Variants in DOCK11 observed in about 807,000 individuals in gnomAD.
The protein encoded by DOCK11 is dedicator of cytokinesis 11, also known as dedicator of cytokinesis protein 11.
Under a neutral mutation model 169.1 loss-of-function variants are expected in DOCK11, and 70 were observed. That is an observed-to-expected ratio of 0.41 (90% CI 0.34 to 0.51). The LOEUF (loss-of-function observed/expected upper bound fraction) is 0.51, where lower values mean the gene tolerates loss of function less well. DOCK11 is among the 20% of genes least tolerant of loss of function. The pLI, the probability that DOCK11 is intolerant of heterozygous loss-of-function variation, is 0.10. For missense variants in DOCK11, 1,166 were observed against 1,538.8 expected (o/e 0.76, Z 4.05); for synonymous variants, 529 against 541.3 (o/e 0.98, Z 0.32).
At chrX:118,609,234 A>G (rs745599980) in intron 26 of DOCK11, 44 bp from the exon 27 acceptor site, 6 of 1,054,784 alleles carry the variant, frequency 5.7e-6, no homozygotes, top group Non-Finnish European at 6.6e-6. Context: ...GCTAAGCTTC[A>G]GAGATTTGGT....
At chrX:118,564,954 G>A (rs1170871430) in intron 7 of DOCK11, among the ~76,000 whole-genome samples, 3 of 107,483 alleles carry the variant, frequency 2.8e-5, no homozygotes, top group Middle Eastern at 4.7e-3. Flanking sequence ...TTTTTTTTTT[G>A]AGGCAGGATC....
chrX:118,543,526 A>G lies in DOCK11; in HGVS notation c.325A>G (p.Ser109Gly). 8.3e-7 allele frequency: 1 copy of G among 1,205,986 alleles called. No individual in the cohort carries two copies. The highest frequency in any genetic ancestry group is 1.1e-6 in the Non-Finnish European group (1 of 889,975). Residue 109 changes from serine (S) to glycine (G), a missense_variant, in exon 4 of 53, where the codon AGC becomes GGC. Transcript: ENST00000276202. The stretch of plus-strand genomic sequence containing the variant: ...TTTCTTTCAGTGTATTAAAACCTAT[A>G]GCACAGATTGGCACGTGGTAAACTA... ...LFVKECIKTY[S>G]TDWHVVNYKY...
At chrX:118,539,687 C>A (rs1278719759) in intron 1 of DOCK11, among the ~76,000 whole-genome samples, 1 of 110,304 alleles carries the variant, frequency 9.1e-6, no homozygotes, top group Non-Finnish European at 1.9e-5. Flanking sequence ...CACTTTGTAC[C>A]CCATAAATTA....
chrX:118,640,043 T>C (rs1029584133), intron 38 of DOCK11, among the ~76,000 whole-genome samples: 1 of 112,247 alleles, frequency 8.9e-6, no homozygotes, highest in Non-Finnish European at 1.9e-5. Context: ...TTAGTTACTT[T>C]TGGTCATTTA....
In DOCK11 at chrX:118,605,320, T is replaced by C. The variant is rs146264798; in HGVS notation, c.2645T>C (p.Met882Thr). 6.7e-6 allele frequency: 8 copies of C among 1,198,201 alleles called. No homozygotes were observed. The African/African-American group carries it at 8.8e-5, about 13-fold the overall frequency. Residue 882 changes from methionine (M) to threonine (T), a missense_variant, in exon 24 of 53, where the codon ATG (methionine) becomes ACG (threonine). Physicochemically the swap from Met to Thr is moderately conservative, Grantham distance 81. Coordinates refer to ENST00000276202, the MANE Select transcript of DOCK11 (RefSeq NM_144658.4). The stretch of plus-strand genomic sequence containing the variant: ...CAACTCTTCCGAGTTCTCACAAATA[T>C]GACCCATGAAGATGACGTTCCTATC... ...LMQLFRVLTN[M>T]THEDDVPINC...
intron 23 of DOCK11, among the ~76,000 whole-genome samples, chrX:118,603,813 A>G (rs974209533): frequency 7.1e-5 from 8 of 112,172 alleles, no homozygotes; most frequent in African/African-American, 2.6e-4. Flanking sequence ...AAGAGTAGCC[A>G]GGATTTGGCT....
chrX:118,588,154 T>A lies in DOCK11; in HGVS notation c.1813T>A (p.Tyr605Asn). 8.4e-6 allele frequency: 10 copies of A among 1,193,275 alleles called. No individual in the cohort carries two copies. Among genetic ancestry groups the A allele is most frequent in the Non-Finnish European group, 9.0e-6 (8 of 888,367 alleles). The change falls in exon 17 of 53, where the codon TAT (tyrosine) becomes AAT (asparagine). Residue 605 changes from tyrosine (Y) to asparagine (N), a missense_variant. Tyr to Asn is a moderately radical substitution (Grantham distance 143). Coordinates refer to ENST00000276202, the MANE Select transcript of DOCK11 (RefSeq NM_144658.4). Reference sequence around the variant, plus strand: ...TGCTATAGATTGTATTACTTCTTCATATGTGCCCTTGAAGCCTTTTGAAAA... The same window carrying A: ...TGCTATAGATTGTATTACTTCTTCAAATGTGCCCTTGAAGCCTTTTGAAAA... ...VDLSNCITSS[Y>N]VPLKPFEKNC...
chrX:118,578,679 AC>A (rs1465925889), intron 13 of DOCK11, 32 bp downstream of exon 13: 5 of 1,166,607 alleles, frequency 4.3e-6, no homozygotes, highest in Non-Finnish European at 5.8e-6. Flanking sequence ...TCAACATTTC[AC>A]CTTAACGTAG....
chrX:118,537,190 T>C (rs909566673), intron 1 of DOCK11, among the ~76,000 whole-genome samples: 5 of 112,126 alleles, frequency 4.5e-5, no homozygotes, highest in Non-Finnish European at 7.5e-5. Context: ...GTAGTTGCCA[T>C]GTTCCTCCTT....
At chrX:118,513,873 C>A (rs1762365027) in intron 1 of DOCK11, among the ~76,000 whole-genome samples, 1 of 111,653 alleles carries the variant, frequency 9.0e-6, no homozygotes, top group South Asian at 3.7e-4. Flanking sequence ...TATGGGGGAG[C>A]AGCAGCATCA....
chrX:118,610,341 C>G lies in DOCK11; in HGVS notation c.3019C>G (p.Pro1007Ala). Residue 1007 changes from proline (P) to alanine (A), a missense_variant, in exon 28 of 53, where the codon CCC becomes GCC. Coordinates refer to ENST00000276202, the MANE Select transcript of DOCK11 (RefSeq NM_144658.4). ...VLHSLLLAII[P>A]HVTIRYAEIP... is the part of the protein sequence containing the mutation. ...ACATTCACTGCTTCTTGCAATAATT[C>G]CCCATGTGACTATTCGGTATGCGGA... 8.3e-7 allele frequency: 1 copy of G among 1,210,382 alleles called. No homozygotes were observed. Among genetic ancestry groups the G allele is most frequent in the Non-Finnish European group, 1.1e-6 (1 of 894,606 alleles).
chrX:118,664,380 G>T (rs1318119186), intron 45 of DOCK11, among the ~76,000 whole-genome samples: 1 of 111,755 alleles, frequency 8.9e-6, no homozygotes, highest in Non-Finnish European at 1.9e-5. Context: ...CTGAGGCTGG[G>T]CGCAGTGTCT....
chrX:118,651,874 A>T (rs1281072572), intron 41 of DOCK11, 90 bp from the exon 42 acceptor site: 3 of 571,371 alleles, frequency 5.3e-6, no homozygotes, highest in Non-Finnish European at 8.5e-6. Context: ...GAAGCATTTC[A>T]TGTGAGTGCT....
intron 23 of DOCK11, among the ~76,000 whole-genome samples, chrX:118,603,469 C>G (rs2014403400): frequency 1.8e-5 from 2 of 112,424 alleles, no homozygotes; most frequent in African/African-American, 6.5e-5. Context: ...GCCCATCTCT[C>G]TTTTCTACCT....
At chrX:118,683,673 T>C (rs938929015) in intron 52 of DOCK11, among the ~76,000 whole-genome samples, 1 of 112,435 alleles carries the variant, frequency 8.9e-6, no homozygotes, top group Non-Finnish European at 1.9e-5. Context: ...CTGCATGACC[T>C]AGTGTTGAAC....
intron 20 of DOCK11, among the ~76,000 whole-genome samples, chrX:118,596,406 A>G (rs754857857): frequency 8.9e-6 from 1 of 112,599 alleles, no homozygotes; most frequent in Non-Finnish European, 1.9e-5. Flanking sequence ...AATTAAACAC[A>G]TAAATGAAAA....
intron 1 of DOCK11, among the ~76,000 whole-genome samples, chrX:118,525,284 A>G: frequency 8.9e-6 from 1 of 112,159 alleles, no homozygotes. Flanking sequence ...CACAATTGTC[A>G]AAAGGTGGAA....
At chrX:118,646,782 G>A (rs951689635) in intron 40 of DOCK11, among the ~76,000 whole-genome samples, 66 of 111,821 alleles carry the variant, frequency 5.9e-4, no homozygotes, top group African/African-American at 2.1e-3. Context: ...CATTTATTAA[G>A]CATTCATTAT....
At chrX:118,514,597 A>C (rs79427979) in intron 1 of DOCK11, among the ~76,000 whole-genome samples, 8,038 of 111,181 alleles carry the variant, frequency 0.072, 623 homozygotes, top group African/African-American at 0.23. Flanking sequence ...ACCAGTAAGG[A>C]CCATCCCACC....
Sources: gnomAD v4.1 joint callset for allele counts (sites outside exome capture counted in the v4.1 genomes callset) on GRCh38, gnomAD v4.1.1 for gene constraint, MANE v1.5 for transcripts, NCBI Gene and HGNC (gene_info 2026-07-23, HGNC 2026-07-21) for gene names.